Variants in MYBPC1 observed in about 807,000 individuals in gnomAD.
The protein encoded by MYBPC1 is myosin-binding protein C, slow-type.
Under a neutral mutation model 147.1 loss-of-function variants are expected in MYBPC1, and 52 were observed. The observed-to-expected ratio is 0.35, with a 90% confidence interval of 0.28 to 0.45. The LOEUF (loss-of-function observed/expected upper bound fraction) is 0.45. Ranked by LOEUF, MYBPC1 falls within the 20% of genes least tolerant of loss-of-function variation. MYBPC1 has a pLI of 1.00. For synonymous variants in MYBPC1, 477 were observed against 475.9 expected (o/e 1.00, Z -0.03); for missense variants, 1,228 against 1,440.3 (o/e 0.85, Z 2.39).
At chr12:101,606,506 A>G (rs1396481531) in intron 1 of MYBPC1, among the ~76,000 whole-genome samples, 2 of 148,796 alleles carry the variant, frequency 1.3e-5, no homozygotes, top group Non-Finnish European at 3.0e-5. Context: ...GTCTCACTAC[A>G]TTGCCCGGCC....
intron 1 of MYBPC1, among the ~76,000 whole-genome samples, chr12:101,606,207 C>CACACACACACAT (rs1882100189): frequency 6.8e-6 from 1 of 146,154 alleles, no homozygotes; most frequent in African/African-American, 2.5e-5. Flanking sequence ...AAAAGAAACA[C>CACACACACACAT]ACACACACAC....
intron 27 of MYBPC1, 99 bp from the exon 28 acceptor site, chr12:101,678,003 G>A: frequency 1.4e-6 from 2 of 1,420,918 alleles, no homozygotes; most frequent in Non-Finnish European, 2.0e-6. Context: ...GTTTTTCTAA[G>A]TTCAGGGAAG....
chr12:101,657,753 C>T (rs146562462), intron 18 of MYBPC1, among the ~76,000 whole-genome samples: 292 of 152,258 alleles, frequency 1.9e-3, no homozygotes, highest in Non-Finnish European at 3.2e-3. Flanking sequence ...TTGGTAAATT[C>T]TACCAAACAT....
chr12:101,663,428 G>A lies in MYBPC1; in HGVS notation c.2224G>A (p.Val742Ile), dbSNP rs773131359. Reference protein sequence around the residue: ...MPSRPFVPLAVTSPPTLLTVD... With the variant: ...MPSRPFVPLAITSPPTLLTVD... ...TTTCTGTCTCTTTTATCTTTAAGCT[G>A]TAACAAGCCCTCCTACTCTTCTGAC... Residue 742 changes from valine to isoleucine, a missense_variant and splice_region_variant, in exon 22 of 32, where the codon GTA becomes ATA. By Grantham distance (29) the Val-to-Ile change is conservative (BLOSUM62 3). This residue lies in a region of MYBPC1 where 1,077 missense variants were observed against 1,314.2 expected (regional missense o/e 0.82). Coordinates refer to ENST00000361466, the MANE Select transcript of MYBPC1 (RefSeq NM_002465.4). 2.5e-6 allele frequency: 4 copies of A among 1,613,422 alleles called. No homozygotes were observed. In the South Asian group the frequency reaches 3.3e-5, roughly 13 times the overall value.
intron 29 of MYBPC1, 149 bp downstream of exon 29, chr12:101,680,678 G>A: frequency 1.2e-6 from 1 of 842,718 alleles, no homozygotes; most frequent in South Asian, 1.5e-5. Flanking sequence ...GAAGCAGGGA[G>A]GGAATTAAGG....
intron 9 of MYBPC1, among the ~76,000 whole-genome samples, chr12:101,635,746 T>C (rs528263170): frequency 9.8e-5 from 15 of 152,324 alleles, no homozygotes; most frequent in African/African-American, 3.1e-4. Context: ...CTGAGTTTAA[T>C]TCTTATGACT....
intron 1 of MYBPC1, among the ~76,000 whole-genome samples, chr12:101,612,610 A>G (rs1884689490): frequency 6.6e-6 from 1 of 152,224 alleles, no homozygotes; most frequent in Admixed American, 6.5e-5. Flanking sequence ...TAGGATAAAT[A>G]ACTTCTGCAG....
At position 101,654,182 on chromosome 12, in the gene MYBPC1, G is replaced by A. The variant is rs1049003385; in HGVS notation, c.1767+934G>A. Among the ~76,000 whole-genome samples, 4 of 152,218 alleles carry A rather than the reference G, an allele frequency of 2.6e-5. No homozygotes were observed. In the South Asian group the frequency reaches 8.3e-4, roughly 32 times the overall value. On this transcript the variant is annotated intron_variant, in intron 18 of 31. Coordinates refer to ENST00000361466, the MANE Select transcript of MYBPC1 (RefSeq NM_002465.4). ...AGATCACGCCACTGCACTCCAGCTG[G>A]GTGACAGAGTGAGACTCTATCTCAA...
chr12:101,636,499 A>C (rs1410197267), intron 9 of MYBPC1, among the ~76,000 whole-genome samples, 173 bp from the exon 10 acceptor site: 1 of 152,202 alleles, frequency 6.6e-6, no homozygotes, highest in Non-Finnish European at 1.5e-5. Flanking sequence ...CTTTTCCACA[A>C]GTACATACTC....
In MYBPC1 at chr12:101,664,385, A is replaced by G. The variant is rs528897839; in HGVS notation, c.2356+825A>G. 3.3e-5 allele frequency: 5 copies of G among 152,318 alleles called. No homozygotes were observed. The South Asian group carries it at 1.0e-3, about 32-fold the overall frequency. 9.4% of individuals were successfully genotyped at this position (152,318 alleles called of 1,614,324 possible). On this transcript the variant is annotated intron_variant, in intron 22 of 31. Coordinates refer to ENST00000361466, the MANE Select transcript of MYBPC1 (RefSeq NM_002465.4). ...CTTGGGTTCCATTCTAGATGCTGGT[A>G]GGTAAACAATCTCCCAGGAAACTTG...
intron 30 of MYBPC1, among the ~76,000 whole-genome samples, chr12:101,683,199 G>A (rs1951129789): frequency 6.6e-6 from 1 of 152,124 alleles, no homozygotes; most frequent in South Asian, 2.1e-4. Context: ...GGAGGCTGAG[G>A]TAGGTGGATC....
chr12:101,680,813 G>A (rs1950890524), intron 29 of MYBPC1, among the ~76,000 whole-genome samples: 1 of 152,158 alleles, frequency 6.6e-6, no homozygotes, highest in African/African-American at 2.4e-5. Context: ...TCAGTGGAAT[G>A]TTAGTGTGTG....
chr12:101,602,040 A>G (rs1880231187), intron 1 of MYBPC1, among the ~76,000 whole-genome samples: 1 of 152,196 alleles, frequency 6.6e-6, no homozygotes, highest in Non-Finnish European at 1.5e-5. Flanking sequence ...CATAAAAAAA[A>G]TTATACTATT....
chr12:101,640,187 T>C (rs1352066957), intron 10 of MYBPC1, among the ~76,000 whole-genome samples: 1 of 152,094 alleles, frequency 6.6e-6, no homozygotes, highest in Admixed American at 6.5e-5. Flanking sequence ...AATTTTTGTA[T>C]TTTTTGTAGA....
rs189964198 is a variant in MYBPC1, at chr12:101,629,804, C to T, written c.289+260C>T. ...AGGAGAATCGCTTGAACCCACGAGG[C>T]GGAGGTTGCAGTGAACCGAGATCGC... On this transcript the variant is annotated intron_variant, in intron 6 of 31. Transcript: ENST00000361466. Among the ~76,000 whole-genome samples the T allele has an allele frequency of 5.0e-3, 765 of 151,526 alleles. 2 individuals carry two copies. The highest frequency in any genetic ancestry group is 0.015 in the African/African-American group (630 of 41,250).
At chr12:101,681,555 CATAT>C (rs1206495774) in intron 29 of MYBPC1, among the ~76,000 whole-genome samples, 553 of 23,124 alleles carry the variant, frequency 0.024, 8 homozygotes, top group Admixed American at 0.047. Context: ...AAATAACTTT[CATAT>C]ATATATATAT....
At position 101,670,413 on chromosome 12, in the gene MYBPC1, A is replaced by C. The variant is rs1227792453; in HGVS notation, c.2613+4A>C. ...CAATCTGGTTATACCTTTCCAGGTA[A>C]GAGTTCAAGGGTCGCTCTTTTTCTC... On this transcript the variant is annotated splice_donor_region_variant and intron_variant, in intron 24 of 31. Coordinates refer to ENST00000361466, the MANE Select transcript of MYBPC1 (RefSeq NM_002465.4). 1 of 1,611,418 alleles carries C rather than the reference A, an allele frequency of 6.2e-7. No individual in the cohort carries two copies. Among genetic ancestry groups the C allele is most frequent in the African/African-American group, 1.3e-5 (1 of 74,874 alleles).
chr12:101,660,230 T>G (rs1896285625), intron 19 of MYBPC1: 1 of 283,702 alleles, frequency 3.5e-6, no homozygotes, highest in South Asian at 4.0e-5. Flanking sequence ...TGCTCTCCTC[T>G]TCTTACTTTA....
At chr12:101,686,416 G>A (rs1951348041), downstream of MYBPC1, among the ~76,000 whole-genome samples, 1 of 152,228 alleles carries the variant, frequency 6.6e-6, no homozygotes, top group Non-Finnish European at 1.5e-5. Context: ...CATAGTGACA[G>A]AGGGCTGTTA....
Sources: gnomAD v4.1 joint callset for allele counts (sites outside exome capture counted in the v4.1 genomes callset) on GRCh38, gnomAD v4.1.1 for gene constraint, gnomAD v4.1.1 regional missense constraint, MANE v1.5 for transcripts, NCBI Gene and HGNC (gene_info 2026-07-23, HGNC 2026-07-21) for gene names.